The following CATSPER4 variants were observed in gnomAD, a reference collection of about 807,000 sequenced individuals.
CATSPER4 encodes cation channel sperm-associated protein 4.
A neutral mutation model predicts 54.4 loss-of-function variants in CATSPER4; 46 were observed. The ratio of observed to expected loss-of-function variants is 0.84; its 90% CI spans 0.67 to 1.08. The LOEUF is 1.08. CATSPER4 is among the 50% of genes least tolerant of loss of function. CATSPER4 has a pLI of 0.00. For synonymous variants in CATSPER4, 230 were observed against 231.9 expected, an observed-to-expected ratio of 0.99 and a Z score of 0.08; for missense variants, 574 against 612.8, an observed-to-expected ratio of 0.94 and a Z score of 0.67.
rs1557633078 is a variant in CATSPER4, at chr1:26,201,427, A to ACGAG, written c.1276_1279dup (p.Gly427GlufsTer27). On this transcript the variant is annotated frameshift_variant, in exon 9 of 10. Transcript: ENST00000456354. LOFTEE classifies it high-confidence loss of function. ...AGAGGTGTTGAACAGGCGCTCGTCGACGAGCGGGTCGTTGGAGACTACGTC... is the reference window on the plus strand; with the variant it reads ...AGAGGTGTTGAACAGGCGCTCGTCGACGAGCGAGCGGGTCGTTGGAGACTACGTC... 6.2e-7 allele frequency: 1 copy of ACGAG among 1,614,076 alleles called. No individual in the cohort carries two copies. Among genetic ancestry groups the ACGAG allele is most frequent in the Non-Finnish European group, 8.5e-7 (1 of 1,179,970 alleles).
intron 2 of CATSPER4, among the ~76,000 whole-genome samples, chr1:26,193,063 TA>T (rs897455143): frequency 5.3e-4 from 75 of 142,534 alleles, no homozygotes; most frequent in Admixed American, 4.2e-4. Context: ...GATGTCACAT[TA>T]AAAAAAAAAA....
At chr1:26,198,227 T>C (rs2088965744) in intron 5 of CATSPER4, 59 bp from the exon 6 acceptor site, 2 of 1,613,982 alleles carry the variant, frequency 1.2e-6, no homozygotes, top group Non-Finnish European at 1.7e-6. Flanking sequence ...ATGACATTTG[T>C]GTGTCCTATT....
chr1:26,198,257 T>G, intron 5 of CATSPER4, 29 bp from the exon 6 acceptor site: 3 of 1,614,126 alleles, frequency 1.9e-6, no homozygotes, highest in Non-Finnish European at 2.5e-6. Flanking sequence ...TTTGGTGAAG[T>G]CGGGGTGGGG....
At position 26,191,300 on chromosome 1, in the gene CATSPER4, T is replaced by C; in HGVS notation, c.227T>C (p.Met76Thr). ...GCCCTCTTCCAGGACGCCTGGGACA[T>C]GCAGGAGTTCATCACTCACATGTAC... ...EITNKADAWD[M>T]QEFITHMYIK... Residue 76 changes from methionine to threonine, a missense_variant, in exon 2 of 10, where the codon ATG (methionine) becomes ACG (threonine). Coordinates refer to ENST00000456354, the MANE Select transcript of CATSPER4 (RefSeq NM_198137.2). 1 of 1,614,082 alleles carries C rather than the reference T, an allele frequency of 6.2e-7. No individual in the cohort carries two copies. Among genetic ancestry groups the C allele is most frequent in the Non-Finnish European group, 8.5e-7 (1 of 1,180,016 alleles).
Position 26,201,414 on chromosome 1 carries a change from C to A in CATSPER4, c.1260C>A (p.Asn420Lys). The change falls in exon 9 of 10, where the codon AAC becomes AAA. Residue 420 changes from asparagine to lysine, a missense_variant. Asn to Lys is a moderately conservative substitution (Grantham distance 94, BLOSUM62 0). Coordinates refer to ENST00000456354, the MANE Select transcript of CATSPER4 (RefSeq NM_198137.2). Reference sequence around the variant, plus strand: ...AGGAGCAGGAGTCAGAGGTGTTGAACAGGCGCTCGTCGACGAGCGGGTCGT... The same window carrying A: ...AGGAGCAGGAGTCAGAGGTGTTGAAAAGGCGCTCGTCGACGAGCGGGTCGT... ...FNQEQESEVLNRRSSTSGSLE... is the reference protein window; with the variant it reads ...FNQEQESEVLKRRSSTSGSLE... 2.5e-6 allele frequency: 4 copies of A among 1,614,140 alleles called. No homozygotes were observed. Among genetic ancestry groups the A allele is most frequent in the Non-Finnish European group, 3.4e-6 (4 of 1,180,006 alleles).
At chr1:26,195,561 C>T (rs948767009) in intron 3 of CATSPER4, among the ~76,000 whole-genome samples, 3 of 149,336 alleles carry the variant, frequency 2.0e-5, no homozygotes, top group East Asian at 3.9e-4. Context: ...AGTGCAGTGG[C>T]GCGATCTCGG....
At chr1:26,197,430 C>T (rs2088954839) in intron 3 of CATSPER4, among the ~76,000 whole-genome samples, 1 of 152,198 alleles carries the variant, frequency 6.6e-6, no homozygotes, top group Admixed American at 6.5e-5. Flanking sequence ...TAGGGACCAG[C>T]CATGTATCTG....
rs750619611 is a variant in CATSPER4, at chr1:26,191,470, G to C, written c.357+40G>C. ...TGACCTCTGCCCCACTAACCCTAAT[G>C]GGGGGCCTGGGGCAAGAACTCTTCC... On this transcript the variant is annotated intron_variant, in intron 2 of 9. Coordinates refer to ENST00000456354, the MANE Select transcript of CATSPER4 (RefSeq NM_198137.2). 11 of 1,608,636 alleles carry C rather than the reference G, an allele frequency of 6.8e-6. No homozygotes were observed. The African/African-American group carries it at 1.5e-4, about 22-fold the overall frequency.
chr1:26,191,411 C>G lies in CATSPER4; in HGVS notation c.338C>G (p.Thr113Ser). 1 of 1,614,188 alleles carries G rather than the reference C, an allele frequency of 6.2e-7. No homozygotes were observed. Among genetic ancestry groups the G allele is most frequent in the East Asian group, 2.2e-5 (1 of 44,888 alleles). Residue 113 changes from threonine to serine, a missense_variant, in exon 2 of 10, where the codon ACC becomes AGC. Thr to Ser is a moderately conservative substitution (Grantham distance 58). Coordinates refer to ENST00000456354, the MANE Select transcript of CATSPER4 (RefSeq NM_198137.2). ...VINAITIALR[T>S]NSYLDQKHYE... is the part of the protein sequence containing the mutation. ...AATGCCATCACCATCGCTCTCCGTA[C>G]CAACTCCTACCTGGACCAGGTGGGA... is the stretch of plus-strand genomic sequence containing the variant.
intron 3 of CATSPER4, 43 bp downstream of exon 3, chr1:26,193,931 G>A: frequency 7.6e-7 from 1 of 1,309,924 alleles, no homozygotes; most frequent in Non-Finnish European, 1.1e-6. Context: ...CCTGGGGACT[G>A]CACACCACCC....
intron 3 of CATSPER4, 103 bp downstream of exon 3, chr1:26,193,991 T>A: frequency 1.2e-6 from 1 of 816,426 alleles, no homozygotes; most frequent in Non-Finnish European, 2.2e-6. Context: ...TGAGTATGTG[T>A]GTGTGTGTAG....
chr1:26,202,466 CAAG>C lies in CATSPER4; in HGVS notation c.1366-18_1366-16del, dbSNP rs761834681. On this transcript the variant is annotated intron_variant, in intron 9 of 9. Transcript: ENST00000456354. ...CATATCGGGGGGAGTGGGGGATTAACAAGAAGACCTCTTGGTTTGCAGGTTCAT... is the reference window on the plus strand; with the variant it reads ...CATATCGGGGGGAGTGGGGGATTAACAAGACCTCTTGGTTTGCAGGTTCAT... The C allele has an allele frequency of 2.5e-6, 4 of 1,608,486 alleles. No homozygotes were observed. In the South Asian group the frequency reaches 3.3e-5, roughly 13 times the overall value.
In CATSPER4 at chr1:26,200,760, A is replaced by G. The variant is rs1318498007; in HGVS notation, c.988-70A>G. 13 of 1,234,496 alleles carry G rather than the reference A, an allele frequency of 1.1e-5. No homozygotes were observed. The African/African-American group carries it at 1.5e-4, about 14-fold the overall frequency. The allele number at this position is 1,234,496 out of a possible 1,614,324, so 76.5% of individuals were successfully genotyped here. On this transcript the variant is annotated intron_variant, in intron 7 of 9. Coordinates refer to ENST00000456354, the MANE Select transcript of CATSPER4 (RefSeq NM_198137.2). Reference sequence around the variant, plus strand: ...TCCTAAGAGACTCATCCTGAAGCCAAGCAGGAAAAGGGTGCCGGGGGCGTG... The same window carrying G: ...TCCTAAGAGACTCATCCTGAAGCCAGGCAGGAAAAGGGTGCCGGGGGCGTG...
rs1186573777 is a variant in CATSPER4, at chr1:26,197,773, TA to T, written c.548del (p.Tyr183SerfsTer51). The T allele has an allele frequency of 3.7e-6, 6 of 1,612,806 alleles. No homozygotes were observed. Among genetic ancestry groups the T allele is most frequent in the Non-Finnish European group, 5.1e-6 (6 of 1,178,842 alleles). On this transcript the variant is annotated frameshift_variant, in exon 4 of 10. Transcript: ENST00000456354. LOFTEE classifies it high-confidence loss of function. ...INEINIPSIN[Y>X]TLRALRLVHV... ...TGAAATCAATATTCCCTCCATCAAC[TA>T]CACTCTCAGGTGAGCGGGGAGCTCT...
intron 6 of CATSPER4, among the ~76,000 whole-genome samples, chr1:26,199,491 T>G (rs2124528756): frequency 6.7e-6 from 1 of 148,554 alleles, no homozygotes; most frequent in South Asian, 2.2e-4. Context: ...CTCAGCTACT[T>G]GGGAGGCTGA....
chr1:26,196,379 T>C (rs1356616193), intron 3 of CATSPER4, among the ~76,000 whole-genome samples: 1 of 150,920 alleles, frequency 6.6e-6, no homozygotes, highest in Non-Finnish European at 1.5e-5. Flanking sequence ...CTTCTGATCA[T>C]TTGACACGTT....
At chr1:26,194,410 C>G (rs2088908276) in intron 3 of CATSPER4, among the ~76,000 whole-genome samples, 1 of 152,204 alleles carries the variant, frequency 6.6e-6, no homozygotes, top group Non-Finnish European at 1.5e-5. Flanking sequence ...TATTCACTTG[C>G]TTTACTCCTA....
At chr1:26,197,142 G>A (rs1569905802) in intron 3 of CATSPER4, among the ~76,000 whole-genome samples, 2 of 152,100 alleles carry the variant, frequency 1.3e-5, no homozygotes, top group Admixed American at 1.3e-4. Flanking sequence ...TCCTGACATC[G>A]TGATCCACCT....
At position 26,202,580 on chromosome 1, in the gene CATSPER4, AC is replaced by A; in HGVS notation, c.*41del. On this transcript the variant is annotated 3_prime_UTR_variant, in exon 10 of 10. Transcript: ENST00000456354. ...GGAGCCAAGGGGCCTGCACACACACACCCAGCCGCTGCGTCTTCCTGTGTCC... is the reference window on the plus strand; with the variant it reads ...GGAGCCAAGGGGCCTGCACACACACACCAGCCGCTGCGTCTTCCTGTGTCC... The A allele has an allele frequency of 6.4e-7, 1 of 1,572,416 alleles. No homozygotes were observed. The highest frequency in any genetic ancestry group is 8.7e-7 in the Non-Finnish European group (1 of 1,150,248).
Sources: gnomAD v4.1 joint callset for allele counts (sites outside exome capture counted in the v4.1 genomes callset) on GRCh38, gnomAD v4.1.1 for gene constraint, MANE v1.5 for transcripts, NCBI Gene and HGNC (gene_info 2026-07-23, HGNC 2026-07-21) for gene names.